Variants in ZMYM4 observed in about 807,000 individuals in gnomAD.
ZMYM4 encodes zinc finger MYM-type protein 4.
Under a neutral mutation model 183.2 loss-of-function variants are expected in ZMYM4, and 31 were observed. That is an observed-to-expected ratio of 0.17 (90% CI 0.13 to 0.23). The LOEUF is 0.23. Among genes scored for constraint, ZMYM4 ranks in the 10% least tolerant of loss-of-function variants. ZMYM4 has a pLI of 1.00. For missense variants in ZMYM4, 1,273 were observed against 1,840.3 expected (o/e 0.69, Z 5.64); for synonymous variants, 592 against 631.2 (o/e 0.94, Z 0.93).
chr1:35,341,633 T>C (rs139066418), intron 2 of ZMYM4, among the ~76,000 whole-genome samples: 1 of 152,020 alleles, frequency 6.6e-6, no homozygotes, highest in Non-Finnish European at 1.5e-5. Context: ...TCTGTAGTTA[T>C]GCATTATAAA....
intron 11 of ZMYM4, 66 bp downstream of exon 11, chr1:35,386,255 C>A (rs979381561): frequency 3.4e-6 from 4 of 1,167,864 alleles, no homozygotes; most frequent in Non-Finnish European, 5.0e-6. Flanking sequence ...TCTGTTCTTG[C>A]ACTCCTCTAA....
chr1:35,291,755 A>C (rs1211905007), intron 1 of ZMYM4, among the ~76,000 whole-genome samples: 2 of 150,584 alleles, frequency 1.3e-5, no homozygotes, highest in African/African-American at 4.9e-5. Flanking sequence ...CTCCTGCCTC[A>C]GTCTCCCAAG....
chr1:35,385,466 G>A lies in ZMYM4; in HGVS notation c.1594G>A (p.Ala532Thr), dbSNP rs766733727. The A allele has an allele frequency of 2.5e-6, 4 of 1,611,748 alleles. No homozygotes were observed. The highest frequency in any genetic ancestry group is 1.1e-5 in the South Asian group (1 of 90,370). The change falls in exon 10 of 30, where the codon GCG becomes ACG. Residue 532 changes from alanine to threonine, a missense_variant. This residue lies in a region of ZMYM4 where 319 missense variants were observed against 518.1 expected (regional missense o/e 0.62). Coordinates refer to ENST00000314607, the MANE Select transcript of ZMYM4 (RefSeq NM_005095.3). ...KQKSAKITPC[A>T]LCKSLRSSAE... is the part of the protein sequence containing the mutation. Reference sequence around the variant, plus strand: ...GAAATCAGCCAAAATTACACCGTGTGCGCTTTGCAAATCATTGAGATCCTC... The same window carrying A: ...GAAATCAGCCAAAATTACACCGTGTACGCTTTGCAAATCATTGAGATCCTC...
chr1:35,370,147 T>C (rs751968032), intron 6 of ZMYM4, 34 bp downstream of exon 6: 3 of 1,599,290 alleles, frequency 1.9e-6, no homozygotes, highest in Non-Finnish European at 2.6e-6. Context: ...GGATTGTGTA[T>C]GTTCTGACCA....
rs568145364 is a variant in ZMYM4 at position 35,384,440 on chromosome 1, C to T, written c.1570-1002C>T. On this transcript the variant is annotated intron_variant, in intron 9 of 29. Transcript: ENST00000314607. ...AATCTCCTAATTGGTGCTGGACGTA[C>T]TTTAAAAATTATCCTGAATGTGTGA... Among the ~76,000 whole-genome samples the T allele has an allele frequency of 6.6e-5, 10 of 152,266 alleles. No individual in the cohort carries two copies. The South Asian group carries it at 2.1e-3, about 32-fold the overall frequency.
chr1:35,282,738 T>C lies in ZMYM4; in HGVS notation c.39+13653T>C, dbSNP rs627783. 4.9e-3 allele frequency among the ~76,000 whole-genome samples: 742 copies of C among 152,144 alleles called. 6 individuals carry two copies. Among genetic ancestry groups the C allele is most frequent in the African/African-American group, 0.016 (658 of 41,522 alleles). ...GCCCAGCTAATTTTAGTTTTTCTTA[T>C]AGAGATGGGGTTTGGCCATGTTACC... is the stretch of plus-strand genomic sequence containing the variant. On this transcript the variant is annotated intron_variant, in intron 1 of 29. Coordinates refer to ENST00000314607, the MANE Select transcript of ZMYM4 (RefSeq NM_005095.3).
chr1:35,304,702 C>T (rs1641448512), intron 1 of ZMYM4, among the ~76,000 whole-genome samples: 1 of 151,606 alleles, frequency 6.6e-6, no homozygotes, highest in African/African-American at 2.4e-5. Context: ...CTTCTGGCCT[C>T]AAGCAATCTT....
At chr1:35,403,473 A>G (rs1570535632) in intron 23 of ZMYM4, among the ~76,000 whole-genome samples, 1 of 152,040 alleles carries the variant, frequency 6.6e-6, no homozygotes, top group South Asian at 2.1e-4. Flanking sequence ...TTTAGTAGAG[A>G]TGGGGTGTCA....
chr1:35,297,948 A>G (rs1044500756), intron 1 of ZMYM4, among the ~76,000 whole-genome samples: 1 of 152,258 alleles, frequency 6.6e-6, no homozygotes, highest in African/African-American at 2.4e-5. Flanking sequence ...ATAAAGAATT[A>G]TTTACCATTA....
intron 27 of ZMYM4, among the ~76,000 whole-genome samples, chr1:35,414,904 TG>T (rs1461934935): frequency 6.6e-6 from 1 of 151,894 alleles, no homozygotes; most frequent in Admixed American, 6.6e-5. Context: ...AAAAATTAGC[TG>T]GGCATGGTGG....
intron 2 of ZMYM4, among the ~76,000 whole-genome samples, chr1:35,336,871 A>G (rs1425293814): frequency 1.3e-5 from 2 of 152,184 alleles, no homozygotes; most frequent in African/African-American, 4.8e-5. Flanking sequence ...ATTGGATTAT[A>G]GGGGCAGTTC....
intron 9 of ZMYM4, among the ~76,000 whole-genome samples, chr1:35,384,975 TG>T (rs1243920276): frequency 6.6e-6 from 1 of 151,814 alleles, no homozygotes; most frequent in Non-Finnish European, 1.5e-5. Context: ...CCTGAATAGC[TG>T]GGACTACAGG....
chr1:35,389,863 G>T lies in ZMYM4; in HGVS notation c.2437-85G>T. The T allele has an allele frequency of 7.1e-7, 1 of 1,401,034 alleles. No homozygotes were observed. The highest frequency in any genetic ancestry group is 9.6e-7 in the Non-Finnish European group (1 of 1,042,082). 86.8% of individuals were successfully genotyped at this position (1,401,034 alleles called of 1,614,324 possible). Reference sequence around the variant, plus strand: ...TTGATCTAAATTCTAAGTTAATTTCGTCACTTGTTATGTGTGTCTTATTTT... The same window carrying T: ...TTGATCTAAATTCTAAGTTAATTTCTTCACTTGTTATGTGTGTCTTATTTT... On this transcript the variant is annotated intron_variant, in intron 14 of 29. Coordinates refer to ENST00000314607, the MANE Select transcript of ZMYM4 (RefSeq NM_005095.3). This position sits in a 1 kb window ranked among gnomAD's most constrained non-coding sequence, Gnocchi z 4.0.
At chr1:35,394,236 A>G (rs982491878) in intron 18 of ZMYM4, among the ~76,000 whole-genome samples, 8 of 124,672 alleles carry the variant, frequency 6.4e-5, no homozygotes, top group Non-Finnish European at 1.1e-4. Context: ...AGCCACCTCT[A>G]TGGATGCTGG....
rs368680443 is a variant in ZMYM4, at chr1:35,387,716, C to T, written c.2263+112C>T. 87 of 1,130,882 alleles carry T rather than the reference C, an allele frequency of 7.7e-5. No homozygotes were observed. In the South Asian group the frequency reaches 1.3e-3, roughly 17 times the overall value. 70.1% of individuals were successfully genotyped at this position (1,130,882 alleles called of 1,614,324 possible). A position where few individuals can be genotyped will look rare whatever the true frequency, so the allele number is the denominator to read the frequency against. On this transcript the variant is annotated intron_variant, in intron 13 of 29. Coordinates refer to ENST00000314607, the MANE Select transcript of ZMYM4 (RefSeq NM_005095.3). ...AATCTGTTTTATTGTTTATGTATAA[C>T]GTAAATGCCTTTTCGATTCATTTAC...
At chr1:35,293,710 C>T (rs555026735) in intron 1 of ZMYM4, among the ~76,000 whole-genome samples, 104 of 152,058 alleles carry the variant, frequency 6.8e-4, no homozygotes, top group Non-Finnish European at 1.1e-3. Context: ...ACATGAAATA[C>T]CTAGCATATA....
intron 3 of ZMYM4, among the ~76,000 whole-genome samples, chr1:35,360,242 C>A (rs1372506942): frequency 6.6e-6 from 1 of 152,074 alleles, no homozygotes; most frequent in Non-Finnish European, 1.5e-5. Flanking sequence ...GTACTTATCA[C>A]ACAGTATTAT....
chr1:35,292,910 C>G (rs1030410378), intron 1 of ZMYM4, among the ~76,000 whole-genome samples: 2 of 152,114 alleles, frequency 1.3e-5, no homozygotes, highest in African/African-American at 2.4e-5. Flanking sequence ...CCTATCTATT[C>G]TAGACCTTCT....
chr1:35,278,062 G>T (rs1341097725), intron 1 of ZMYM4, among the ~76,000 whole-genome samples: 1 of 152,162 alleles, frequency 6.6e-6, no homozygotes, highest in East Asian at 1.9e-4. Flanking sequence ...CTCTAGGGAA[G>T]AATCTTTGCT....
Sources: allele counts gnomAD v4.1 joint callset (sites outside exome capture counted in the v4.1 genomes callset), GRCh38; gene constraint gnomAD v4.1.1; regional missense constraint gnomAD v4.1.1; non-coding constraint Gnocchi (gnomAD v3.1); transcripts MANE v1.5; gene names NCBI Gene and HGNC (gene_info 2026-07-23, HGNC 2026-07-21).